Variants in KLF5 observed in about 807,000 individuals in gnomAD.
The protein encoded by KLF5 is KLF transcription factor 5.
Under a neutral mutation model 36.9 loss-of-function variants are expected in KLF5, and 9 were observed. The ratio of observed to expected loss-of-function variants is 0.24; its 90% CI spans 0.15 to 0.43. The LOEUF is 0.43. Among genes scored for constraint, KLF5 ranks in the 20% least tolerant of loss-of-function variants. The pLI is 1.00. For missense variants in KLF5, 524 were observed against 599.5 expected, an observed-to-expected ratio of 0.87 and a Z score of 1.31; for synonymous variants, 246 against 241.7, an observed-to-expected ratio of 1.02 and a Z score of -0.17.
chr13:73,061,761 T>C, intron 1 of KLF5, 100 bp from the exon 2 acceptor site: 2 of 1,104,494 alleles, frequency 1.8e-6, no homozygotes, highest in Middle Eastern at 3.1e-4. Flanking sequence ...CCTAGTACCT[T>C]ACACAGGGAT....
At position 73,076,103 on chromosome 13, in the gene KLF5, A is replaced by T; in HGVS notation, c.*217A>T. 2.0e-5 allele frequency: 7 copies of T among 357,316 alleles called. No homozygotes were observed. Among genetic ancestry groups the T allele is most frequent in the Admixed American group, 4.4e-5 (1 of 22,972 alleles). 22.1% of individuals were successfully genotyped at this position (357,316 alleles called of 1,614,324 possible). Reference sequence around the variant, plus strand: ...ATCTGGAATGCTTGCTGTAATGTATATGGCTTTACTCAAGCAGATCTCATC... The same window carrying T: ...ATCTGGAATGCTTGCTGTAATGTATTTGGCTTTACTCAAGCAGATCTCATC... On this transcript the variant is annotated 3_prime_UTR_variant, in exon 4 of 4. Transcript: ENST00000377687.
At position 73,075,679 on chromosome 13, in the gene KLF5, C is replaced by T. The variant is rs750520312; in HGVS notation, c.1196-29C>T. The T allele has an allele frequency of 2.2e-5, 34 of 1,542,322 alleles. No individual in the cohort carries two copies. In the Middle Eastern group the frequency reaches 8.7e-4, roughly 39 times the overall value. Reference sequence around the variant, plus strand: ...TAGGATGTTTGCATTACAAGCAGGCCGCTTTACCTCCTTTGTTCGTTGTCA... The same window carrying T: ...TAGGATGTTTGCATTACAAGCAGGCTGCTTTACCTCCTTTGTTCGTTGTCA... On this transcript the variant is annotated intron_variant, in intron 3 of 3. Transcript: ENST00000377687.
In KLF5 at chr13:73,062,545, G is replaced by A; in HGVS notation, c.946G>A (p.Ala316Thr). Residue 316 changes from alanine to threonine, a missense_variant, in exon 2 of 4, where the codon GCA becomes ACA. Physicochemically the swap from Ala to Thr is moderately conservative, Grantham distance 58. This residue lies in a region of KLF5 where 454 missense variants were observed against 458.1 expected (regional missense o/e 0.99). Transcript: ENST00000377687. ...AGAGCCTGGAAGTCCAGATAGACAA[G>A]CAGAGATGCTCCAGAATTTAACCCC... ...SSEPGSPDRQ[A>T]EMLQNLTPPP... is the part of the protein sequence containing the mutation. The A allele has an allele frequency of 6.2e-7, 1 of 1,614,194 alleles. No homozygotes were observed. Among genetic ancestry groups the A allele is most frequent in the Non-Finnish European group, 8.5e-7 (1 of 1,180,032 alleles).
In KLF5 at chr13:73,061,853, T is replaced by C. The variant is rs529026614; in HGVS notation, c.262-8T>C. 1.1e-5 allele frequency: 18 copies of C among 1,605,944 alleles called. No individual in the cohort carries two copies. In the East Asian group the frequency reaches 3.8e-4, roughly 34 times the overall value. On this transcript the variant is annotated splice_region_variant and splice_polypyrimidine_tract_variant and intron_variant, in intron 1 of 3. Transcript: ENST00000377687. ...TGGATTATGCATTTTATATCTCTTC[T>C]TTTTTAGACAAGATGTGAAATGGAG...
chr13:73,065,642 G>GA (rs2044673408), intron 3 of KLF5, among the ~76,000 whole-genome samples: 1 of 152,116 alleles, frequency 6.6e-6, no homozygotes, highest in African/African-American at 2.4e-5. Flanking sequence ...CAAGTGCCAG[G>GA]AAAATATTCC....
Position 73,076,006 on chromosome 13 carries a change from A to G in KLF5, c.*120A>G, listed in dbSNP as rs1048172880. The G allele has an allele frequency of 1.2e-6, 1 of 835,860 alleles. No individual in the cohort carries two copies. Among genetic ancestry groups the G allele is most frequent in the South Asian group, 2.6e-5 (1 of 38,524 alleles). 51.8% of individuals were successfully genotyped at this position (835,860 alleles called of 1,614,324 possible). On this transcript the variant is annotated 3_prime_UTR_variant, in exon 4 of 4. Coordinates refer to ENST00000377687, the MANE Select transcript of KLF5 (RefSeq NM_001730.5). ...AAGAAAACCACAACTAAAACTGGAA[A>G]TGTATATTTTGTATATTTGAGAAAA...
Position 73,062,674 on chromosome 13 carries a change from T to TA in KLF5, c.1076dup (p.Tyr359Ter). ...CTCACAAAACATCCAACCTGTCAGA[T>TA]ACAATAGAAGGAGTAACCCCGATTT... is the stretch of plus-strand genomic sequence containing the variant. ...VNSQNIQPVRYNRRSNPDLEK... is the reference protein window; with the variant it reads ...VNSQNIQPVR The change falls in exon 2 of 4, where the codon TAC (tyrosine) becomes TAAC (stop). Residue 359 changes from tyrosine to a stop codon, truncating the protein, a stop_gained and frameshift_variant. Transcript: ENST00000377687. LOFTEE classifies it high-confidence loss of function. 6.2e-7 allele frequency: 1 copy of TA among 1,614,138 alleles called. No individual in the cohort carries two copies. Among genetic ancestry groups the TA allele is most frequent in the Non-Finnish European group, 8.5e-7 (1 of 1,180,002 alleles).
chr13:73,057,426 A>C (rs1566561689), upstream of KLF5, among the ~76,000 whole-genome samples: 1 of 152,242 alleles, frequency 6.6e-6, no homozygotes, highest in East Asian at 1.9e-4. Flanking sequence ...TTGCAAAAGC[A>C]CTTATTAAAT....
chr13:73,058,959 GC>G (rs569669788), upstream of KLF5: 37 of 167,940 alleles, frequency 2.2e-4, no homozygotes, highest in South Asian at 2.2e-3. Context: ...ATCGGGCCCC[GC>G]CCCCCCGGAG....
intron 1 of KLF5, among the ~76,000 whole-genome samples, chr13:73,061,124 G>A (rs1437051425): frequency 6.6e-6 from 1 of 152,104 alleles, no homozygotes; most frequent in East Asian, 1.9e-4. Flanking sequence ...TTTCCCCTAG[G>A]TAATTAAAGA....
chr13:73,076,406 T>C lies in KLF5; in HGVS notation c.*520T>C, dbSNP rs910911679. 5 of 152,758 alleles carry C rather than the reference T, an allele frequency of 3.3e-5. No individual in the cohort carries two copies. Among genetic ancestry groups the C allele is most frequent in the African/African-American group, 1.2e-4 (5 of 41,460 alleles). 9.5% of individuals were successfully genotyped at this position (152,758 alleles called of 1,614,324 possible). A position where few individuals can be genotyped will look rare whatever the true frequency, so the allele number is the denominator to read the frequency against. ...GGTTTTTAAAAATTATATACATATA[T>C]GAGTTGCCTATATTTGCTATTCAAA... On this transcript the variant is annotated 3_prime_UTR_variant, in exon 4 of 4. Transcript: ENST00000377687.
At chr13:73,070,741 T>G (rs1004996539) in intron 3 of KLF5, among the ~76,000 whole-genome samples, 1 of 152,202 alleles carries the variant, frequency 6.6e-6, no homozygotes, top group South Asian at 2.1e-4. Context: ...TCCAGTCCAG[T>G]TCTACCTAAG....
Position 73,059,271 on chromosome 13 carries a change from G to T in KLF5, c.-57G>T, listed in dbSNP as rs891304972. On this transcript the variant is annotated 5_prime_UTR_variant, in exon 1 of 4. Coordinates refer to ENST00000377687, the MANE Select transcript of KLF5 (RefSeq NM_001730.5). ...GCTGAGCTCGCCGACCCAAGCCAGC[G>T]TGGGCGAGGTGGGAAGTGCGCCCGA... 3.1e-6 allele frequency: 4 copies of T among 1,281,868 alleles called. No homozygotes were observed. In the Admixed American group the frequency reaches 1.6e-4, roughly 52 times the overall value. 79.4% of individuals were successfully genotyped at this position (1,281,868 alleles called of 1,614,324 possible).
chr13:73,055,333 A>T (rs2044577118), upstream of KLF5, among the ~76,000 whole-genome samples: 1 of 152,246 alleles, frequency 6.6e-6, no homozygotes, highest in Non-Finnish European at 1.5e-5. Context: ...TGGAGGCAAG[A>T]GACATTACAA....
At chr13:73,057,906 C>A (rs1239804039), upstream of KLF5, among the ~76,000 whole-genome samples, 1 of 152,178 alleles carries the variant, frequency 6.6e-6, no homozygotes, top group Non-Finnish European at 1.5e-5. Context: ...CAAAAATTCA[C>A]CCTCCCATTA....
Position 73,059,211 on chromosome 13 carries a change from A to T in KLF5, c.-117A>T. The stretch of plus-strand genomic sequence containing the variant: ...CTGCCTGCCGCTGTCTGAGGAGTCC[A>T]CCCGAAACCTCCCCTCCTCCGCCGG... On this transcript the variant is annotated 5_prime_UTR_variant, in exon 1 of 4. Transcript: ENST00000377687. 9.7e-7 allele frequency: 1 copy of T among 1,026,768 alleles called. No homozygotes were observed. The highest frequency in any genetic ancestry group is 3.5e-5 in the South Asian group (1 of 28,950). 63.6% of individuals were successfully genotyped at this position (1,026,768 alleles called of 1,614,324 possible).
chr13:73,077,154 A>C lies in KLF5; in HGVS notation c.*1268A>C, dbSNP rs2044769601. 1 of 152,582 alleles carries C rather than the reference A, an allele frequency of 6.6e-6. No homozygotes were observed. Among genetic ancestry groups the C allele is most frequent in the African/African-American group, 2.4e-5 (1 of 41,430 alleles). 9.5% of individuals were successfully genotyped at this position (152,582 alleles called of 1,614,324 possible). ...CAAAAGGGGTCTTAATTGAAATGAA[A>C]ATTTAATTTTGTTTTTAAAATATTG... is the stretch of plus-strand genomic sequence containing the variant. On this transcript the variant is annotated 3_prime_UTR_variant, in exon 4 of 4. Coordinates refer to ENST00000377687, the MANE Select transcript of KLF5 (RefSeq NM_001730.5).
At chr13:73,063,725 G>T in intron 2 of KLF5, 99 bp from the exon 3 acceptor site, 1 of 833,038 alleles carries the variant, frequency 1.2e-6, no homozygotes. Context: ...TCTAGCATGA[G>T]AGATTTCTTC....
chr13:73,059,047 G>C lies in KLF5; in HGVS notation c.-281G>C. On this transcript the variant is annotated 5_prime_UTR_variant, in exon 1 of 4. Coordinates refer to ENST00000377687, the MANE Select transcript of KLF5 (RefSeq NM_001730.5). ...GTGCGCTCGCGGTTCTCTCGCGGAGGTCGGCGGTGGCGGGAGCGGGCTCCG... is the reference window on the plus strand; with the variant it reads ...GTGCGCTCGCGGTTCTCTCGCGGAGCTCGGCGGTGGCGGGAGCGGGCTCCG... 1 of 305,614 alleles carries C rather than the reference G, an allele frequency of 3.3e-6. No individual in the cohort carries two copies. Among genetic ancestry groups the C allele is most frequent in the Non-Finnish European group, 6.0e-6 (1 of 166,262 alleles). The allele number at this position is 305,614 out of a possible 1,614,324, so 18.9% of individuals were successfully genotyped here. A position where few individuals can be genotyped will look rare whatever the true frequency, so the allele number is the denominator to read the frequency against.
Sources: allele counts gnomAD v4.1 joint callset (sites outside exome capture counted in the v4.1 genomes callset), GRCh38; gene constraint gnomAD v4.1.1; regional missense constraint gnomAD v4.1.1; transcripts MANE v1.5; gene names NCBI Gene and HGNC (gene_info 2026-07-23, HGNC 2026-07-21).